NR5A2: variants seen among roughly 807,000 people sequenced by gnomAD.
NR5A2 encodes the protein CYP7A promoter-binding factor.
Under a neutral mutation model 62.7 loss-of-function variants are expected in NR5A2, and 26 were observed. That is an observed-to-expected ratio of 0.41 (90% CI 0.30 to 0.58). The LOEUF is 0.58. Among genes scored for constraint, NR5A2 ranks in the 20% least tolerant of loss-of-function variants. The pLI is 0.22. For synonymous variants in NR5A2, 246 were observed against 241.7 expected, an observed-to-expected ratio of 1.02 and a Z score of -0.16; for missense variants, 541 against 669.1, an observed-to-expected ratio of 0.81 and a Z score of 2.11.
At chr1:200,140,838 C>G (rs1379534393) in intron 7 of NR5A2, among the ~76,000 whole-genome samples, 2 of 152,304 alleles carry the variant, frequency 1.3e-5, no homozygotes, top group East Asian at 3.9e-4. Flanking sequence ...TGAGACCAGC[C>G]TGACCAACAT....
At chr1:200,132,381 A>G (rs1667005209) in intron 7 of NR5A2, among the ~76,000 whole-genome samples, 1 of 152,196 alleles carries the variant, frequency 6.6e-6, no homozygotes, top group Non-Finnish European at 1.5e-5. Context: ...TTGGATCCCC[A>G]GGACACTGTT....
intron 5 of NR5A2, among the ~76,000 whole-genome samples, chr1:200,088,231 T>G (rs117915781): frequency 0.024 from 3,556 of 150,790 alleles, 51 homozygotes; most frequent in South Asian, 0.051. Context: ...TGTTGTTGTT[T>G]TTGTTTTTGT....
intron 7 of NR5A2, among the ~76,000 whole-genome samples, chr1:200,171,935 G>C (rs1337042345): frequency 6.6e-6 from 1 of 152,070 alleles, no homozygotes; most frequent in African/African-American, 2.4e-5. Flanking sequence ...GTTAAAACTG[G>C]TTCTCAAAAA....
intron 7 of NR5A2, among the ~76,000 whole-genome samples, chr1:200,134,150 G>A (rs1182983913): frequency 1.3e-5 from 2 of 152,112 alleles, no homozygotes; most frequent in Non-Finnish European, 2.9e-5. Context: ...AGTTTATAAA[G>A]TAACAAAGGT....
Position 200,027,845 on chromosome 1 carries a change from A to G in NR5A2, c.-3A>G. 6.3e-7 allele frequency: 1 copy of G among 1,599,574 alleles called. No individual in the cohort carries two copies. Among genetic ancestry groups the G allele is most frequent in the Non-Finnish European group, 8.5e-7 (1 of 1,172,636 alleles). ...CAAAGAACTGCCTATAATTTCACTA[A>G]GAATGTCTTCTAATTCAGATACTGG... is the stretch of plus-strand genomic sequence containing the variant. On this transcript the variant is annotated 5_prime_UTR_variant, in exon 1 of 8. Transcript: ENST00000367362.
chr1:200,062,227 T>TTTTGTG (rs1553267511), intron 5 of NR5A2, among the ~76,000 whole-genome samples: 1 of 145,666 alleles, frequency 6.9e-6, no homozygotes, highest in African/African-American at 2.5e-5. Flanking sequence ...CTGGCAGATT[T>TTTTGTG]TGTGTGTGTG....
chr1:200,100,396 G>T (rs914184524), intron 5 of NR5A2, among the ~76,000 whole-genome samples: 4 of 152,060 alleles, frequency 2.6e-5, no homozygotes, highest in African/African-American at 9.7e-5. Flanking sequence ...TTTTAATAGG[G>T]TGTCTGTTAA....
intron 5 of NR5A2, among the ~76,000 whole-genome samples, chr1:200,078,787 A>G (rs1335525017): frequency 6.6e-6 from 1 of 152,200 alleles, no homozygotes; most frequent in African/African-American, 2.4e-5. Flanking sequence ...TGTGAAATTC[A>G]TTTTAATGAA....
intron 5 of NR5A2, among the ~76,000 whole-genome samples, chr1:200,076,304 A>T (rs1664034778): frequency 6.6e-6 from 1 of 152,198 alleles, no homozygotes; most frequent in South Asian, 2.1e-4. Context: ...CTAAGTCCTA[A>T]GTACCCAGCC....
At chr1:200,062,849 T>C (rs1213388091) in intron 5 of NR5A2, among the ~76,000 whole-genome samples, 1 of 152,234 alleles carries the variant, frequency 6.6e-6, no homozygotes, top group African/African-American at 2.4e-5. Context: ...CACATTATTA[T>C]GTACTTTAAT....
rs767393832 is a variant in NR5A2, at chr1:200,034,783, CTTTTTTTTTTT to C, written c.65-4854_65-4844del. 6.9e-4 allele frequency among the ~76,000 whole-genome samples: 49 copies of C among 71,288 alleles called. 1 individual carries two copies. Among genetic ancestry groups the C allele is most frequent in the South Asian group, 5.8e-3 (8 of 1,382 alleles). The allele number at this position is 71,288 out of a possible 152,430, so 46.8% of individuals were successfully genotyped here. ...GTTATTCACACGTGCAGCAGAAAGG[CTTTTTTTTTTT>C]TTTTTTTTTTTTTTTTTTTTAAACA... is the stretch of plus-strand genomic sequence containing the variant. On this transcript the variant is annotated intron_variant, in intron 1 of 7. Transcript: ENST00000367362.
chr1:200,044,160 C>A (rs1167150803), intron 3 of NR5A2: 1 of 263,968 alleles, frequency 3.8e-6, no homozygotes, highest in African/African-American at 2.2e-5. Context: ...TGTAGAAAGA[C>A]TTCCATTTCT....
At chr1:200,054,508 G>T (rs890236107) in intron 5 of NR5A2, among the ~76,000 whole-genome samples, 2 of 152,044 alleles carry the variant, frequency 1.3e-5, no homozygotes, top group African/African-American at 4.8e-5. Context: ...TCTGGGAATG[G>T]ATATATAAGA....
At chr1:200,029,572 GGTCCAGCCCATAAGGGGCT>G (rs1661475804) in intron 1 of NR5A2, 1 of 152,494 alleles carries the variant, frequency 6.6e-6, no homozygotes, top group Non-Finnish European at 1.5e-5. Flanking sequence ...GAGGACTGTC[GGTCCAGCCCATAAGGGGCT>G]GCTGGGGACT....
At chr1:200,131,199 T>C (rs536816677) in intron 7 of NR5A2, among the ~76,000 whole-genome samples, 8 of 152,326 alleles carry the variant, frequency 5.3e-5, no homozygotes, top group Admixed American at 5.2e-4. Flanking sequence ...AAGTTGATGC[T>C]TGTCTTAATT....
intron 7 of NR5A2, among the ~76,000 whole-genome samples, chr1:200,129,866 A>AT (rs1004237203): frequency 6.6e-6 from 1 of 152,144 alleles, no homozygotes; most frequent in African/African-American, 2.4e-5. Context: ...GGATGCCTAC[A>AT]TTTTGCCTTT....
intron 1 of NR5A2, among the ~76,000 whole-genome samples, chr1:200,030,017 T>G (rs976318419): frequency 7.9e-5 from 12 of 152,078 alleles, no homozygotes; most frequent in Admixed American, 7.2e-4. Context: ...GACTGAACTA[T>G]TGGATTGAAG....
At chr1:200,076,557 C>A (rs923611380) in intron 5 of NR5A2, among the ~76,000 whole-genome samples, 13 of 150,636 alleles carry the variant, frequency 8.6e-5, no homozygotes, top group African/African-American at 3.2e-4. Context: ...ATTATAGTAT[C>A]TTTTTCATTT....
chr1:200,037,060 C>T (rs1057376461), intron 1 of NR5A2, among the ~76,000 whole-genome samples: 4 of 152,176 alleles, frequency 2.6e-5, no homozygotes, highest in African/African-American at 9.7e-5. Context: ...CTTTTGCCAC[C>T]ACCACTCTCC....
Sources: allele counts gnomAD v4.1 joint callset (sites outside exome capture counted in the v4.1 genomes callset), GRCh38; gene constraint gnomAD v4.1.1; transcripts MANE v1.5; gene names NCBI Gene and HGNC (gene_info 2026-07-23, HGNC 2026-07-21).